Variants in SNX16 observed in about 807,000 individuals in gnomAD.
SNX16 encodes the protein sorting nexin-16.
In SNX16, 35 loss-of-function variants were observed where a neutral mutation model predicts 36.7. The ratio of observed to expected loss-of-function variants is 0.95; its 90% CI spans 0.73 to 1.27. The LOEUF (loss-of-function observed/expected upper bound fraction) is 1.27, where lower values mean the gene tolerates loss of function less well. Among genes scored for constraint, SNX16 ranks in the 50% most tolerant of loss-of-function variants. SNX16 has a pLI of 0.00. For synonymous variants in SNX16, 134 were observed against 132.0 expected (o/e 1.02, Z -0.10); for missense variants, 367 against 393.6 (o/e 0.93, Z 0.57).
chr8:81,808,118 C>T lies in SNX16; in HGVS notation c.682-4890G>A. 29 of 1,240,346 alleles carry T rather than the reference C, an allele frequency of 2.3e-5. 1 individual carries two copies. The South Asian group carries it at 3.4e-4, about 14-fold the overall frequency. The allele number at this position is 1,240,346 out of a possible 1,614,324, so 76.8% of individuals were successfully genotyped here. ...TTTATTGGTGGCATTAAAGAAGACA[C>T]TGAAGAACATCACCTAAGAGATTAT... On this transcript the variant is annotated intron_variant, in intron 5 of 7. Transcript: ENST00000345957.
chr8:81,841,341 C>CAAAA (rs34609959), intron 1 of SNX16, among the ~76,000 whole-genome samples: 3 of 89,672 alleles, frequency 3.3e-5, no homozygotes, highest in Non-Finnish European at 6.9e-5. Context: ...AACTCCGTCT[C>CAAAA]AAAAAAAAAA....
At chr8:81,813,565 A>G (rs1448229263) in intron 5 of SNX16, among the ~76,000 whole-genome samples, 1 of 151,858 alleles carries the variant, frequency 6.6e-6, no homozygotes, top group East Asian at 1.9e-4. Flanking sequence ...AGCATAAGCC[A>G]TTAAAAAAGT....
At chr8:81,838,446 G>GA (rs1025857318) in intron 2 of SNX16, among the ~76,000 whole-genome samples, 1 of 151,634 alleles carries the variant, frequency 6.6e-6, no homozygotes, top group Non-Finnish European at 1.5e-5. Context: ...AGTAAAGGAT[G>GA]AAAAAATAGA....
chr8:81,803,684 C>T (rs1005897626), intron 5 of SNX16, among the ~76,000 whole-genome samples: 13 of 151,914 alleles, frequency 8.6e-5, no homozygotes, highest in Non-Finnish European at 1.6e-4. Flanking sequence ...GTAATCTTGA[C>T]ACTTGGGTTG....
intron 5 of SNX16, among the ~76,000 whole-genome samples, chr8:81,810,802 T>A (rs1461952046): frequency 6.6e-6 from 1 of 152,142 alleles, no homozygotes; most frequent in Non-Finnish European, 1.5e-5. Flanking sequence ...TGCTGCTAAA[T>A]ATTTTCAATG....
At chr8:81,802,175 G>A (rs967711505) in intron 7 of SNX16, among the ~76,000 whole-genome samples, 1 of 151,592 alleles carries the variant, frequency 6.6e-6, no homozygotes, top group African/African-American at 2.4e-5. Context: ...ACATCCTGAT[G>A]TCAAAGACAC....
intron 5 of SNX16, chr8:81,808,558 T>C: frequency 3.0e-6 from 3 of 999,882 alleles, no homozygotes; most frequent in Non-Finnish European, 4.7e-6. Context: ...TACAATGATT[T>C]TGGCAGTTAC....
intron 3 of SNX16, among the ~76,000 whole-genome samples, chr8:81,826,801 A>G (rs1811040256): frequency 6.6e-6 from 1 of 152,188 alleles, no homozygotes; most frequent in African/African-American, 2.4e-5. Flanking sequence ...CCAATTAGCT[A>G]TTTGTACTTC....
chr8:81,822,353 T>A (rs746853672), intron 4 of SNX16, among the ~76,000 whole-genome samples: 6 of 151,982 alleles, frequency 3.9e-5, no homozygotes, highest in Non-Finnish European at 7.4e-5. Context: ...TTTGGAGAAT[T>A]AAAAGAAGAC....
Position 81,803,240 on chromosome 8 carries a change from C to A in SNX16, c.682-12G>T, listed in dbSNP as rs375201622. The A allele has an allele frequency of 2.0e-5, 32 of 1,585,642 alleles. No homozygotes were observed. The highest frequency in any genetic ancestry group is 1.7e-4 in the Admixed American group (9 of 53,356). On this transcript the variant is annotated splice_polypyrimidine_tract_variant and intron_variant, in intron 5 of 7. Transcript: ENST00000345957. ...GTTTCACAGAATGCCTTAAAAAAAA[C>A]AACAAACAAAACTAAACACATGCAG...
chr8:81,803,155 T>C lies in SNX16; in HGVS notation c.755A>G (p.Glu252Gly), dbSNP rs1056034927. The change falls in exon 6 of 8, where the codon GAA (glutamate) becomes GGA (glycine). Residue 252 changes from glutamate to glycine, a missense_variant. Coordinates refer to ENST00000345957, the MANE Select transcript of SNX16 (RefSeq NM_152836.3). The part of the protein sequence containing the change: ...KELLEKQKEM[E>G]SLKKLLSEKQ... ...CTCACTGAGCAGTTTCTTTAGTGATTCCATCTCCTTTTGTTTTTCAAGTAG... is the reference window on the plus strand; with the variant it reads ...CTCACTGAGCAGTTTCTTTAGTGATCCCATCTCCTTTTGTTTTTCAAGTAG... 4 of 1,612,220 alleles carry C rather than the reference T, an allele frequency of 2.5e-6. No individual in the cohort carries two copies. The highest frequency in any genetic ancestry group is 2.5e-6 in the Non-Finnish European group (3 of 1,178,956).
chr8:81,813,506 T>C (rs1336571457), intron 5 of SNX16, among the ~76,000 whole-genome samples: 1 of 148,686 alleles, frequency 6.7e-6, no homozygotes, highest in African/African-American at 2.4e-5. Flanking sequence ...TATGAGAAAA[T>C]ATTTGTAATG....
intron 2 of SNX16, among the ~76,000 whole-genome samples, chr8:81,833,344 C>CT (rs1393094287): frequency 1.3e-5 from 2 of 151,550 alleles, no homozygotes; most frequent in Non-Finnish European, 2.9e-5. Context: ...TCTCTTTCAG[C>CT]TTTTAAGGGA....
At chr8:81,822,069 C>G (rs1262840858) in intron 4 of SNX16, among the ~76,000 whole-genome samples, 2 of 151,006 alleles carry the variant, frequency 1.3e-5, no homozygotes, top group Non-Finnish European at 3.0e-5. Context: ...AATTCATTAC[C>G]TGTGGGTGAT....
chr8:81,814,885 A>G (rs1393768576), intron 5 of SNX16: 1 of 152,294 alleles, frequency 6.6e-6, no homozygotes, highest in East Asian at 1.9e-4. Flanking sequence ...ACGTCAATTA[A>G]TGTAATTTGA....
chr8:81,835,281 C>T (rs546914693), intron 2 of SNX16, among the ~76,000 whole-genome samples: 3 of 152,210 alleles, frequency 2.0e-5, no homozygotes, highest in African/African-American at 4.8e-5. Context: ...CACAAAACCA[C>T]GTTTTCCTCC....
chr8:81,804,935 G>A (rs1198251651), intron 5 of SNX16, among the ~76,000 whole-genome samples: 2 of 151,944 alleles, frequency 1.3e-5, no homozygotes, highest in Non-Finnish European at 2.9e-5. Flanking sequence ...ACCATAAGGG[G>A]TAAATTTGAC....
intron 3 of SNX16, 95 bp from the exon 4 acceptor site, chr8:81,824,035 A>G: frequency 1.8e-6 from 2 of 1,138,072 alleles, no homozygotes; most frequent in Non-Finnish European, 2.5e-6. Flanking sequence ...TATTCATGAA[A>G]TAAGTTTAAA....
chr8:81,839,553 ACACAGAG>A, intron 2 of SNX16, 52 bp downstream of exon 2: 1 of 1,461,970 alleles, frequency 6.8e-7, no homozygotes, highest in Non-Finnish European at 9.2e-7. Context: ...ACTGGTTTGA[ACACAGAG>A]ATTAGCCAAT....
Sources: gnomAD v4.1 joint callset for allele counts (sites outside exome capture counted in the v4.1 genomes callset) on GRCh38, gnomAD v4.1.1 for gene constraint, MANE v1.5 for transcripts, NCBI Gene and HGNC (gene_info 2026-07-23, HGNC 2026-07-21) for gene names.